The following PLXDC2 variants were observed in gnomAD, a reference collection of about 807,000 sequenced individuals.
The protein encoded by PLXDC2 is plexin domain containing 2, also known as plexin domain-containing protein 2.
A neutral mutation model predicts 68.9 loss-of-function variants in PLXDC2; 40 were observed. The ratio of observed to expected loss-of-function variants is 0.58; its 90% confidence interval spans 0.45 to 0.76. The LOEUF is 0.76. PLXDC2 is among the 30% of genes least tolerant of loss of function. The pLI is 0.00. For missense variants in PLXDC2, 644 were observed against 661.9 expected (o/e 0.97, Z 0.30); for synonymous variants, 243 against 234.2 (o/e 1.04, Z -0.34).
rs114519650 is a variant in PLXDC2, at chr10:20,007,695, T to G, written c.324+5709T>G. Among the ~76,000 whole-genome samples the G allele has an allele frequency of 4.7e-3, 721 of 152,364 alleles. 5 individuals carry two copies. The highest frequency in any genetic ancestry group is 0.016 in the African/African-American group (673 of 41,582). ...CTGGGAATCTGGTTAAAATGCATATTCTGATTTCTTAGTTCTAGGCTTGAG... is the reference window on the plus strand; with the variant it reads ...CTGGGAATCTGGTTAAAATGCATATGCTGATTTCTTAGTTCTAGGCTTGAG... On this transcript the variant is annotated intron_variant, in intron 2 of 13. Transcript: ENST00000377252.
At chr10:20,184,912 A>G (rs1350612918) in intron 9 of PLXDC2, among the ~76,000 whole-genome samples, 1 of 151,908 alleles carries the variant, frequency 6.6e-6, no homozygotes, top group Admixed American at 6.6e-5. Context: ...AAAACCAAAC[A>G]CCGCATGTTC....
intron 2 of PLXDC2, among the ~76,000 whole-genome samples, chr10:20,027,143 A>T (rs4748632): frequency 6.7e-6 from 1 of 149,238 alleles, no homozygotes; most frequent in Non-Finnish European, 1.5e-5. Context: ...ATACATGTAG[A>T]CACACCCAAT....
At chr10:20,028,447 C>A (rs1835439607) in intron 2 of PLXDC2, among the ~76,000 whole-genome samples, 1 of 152,170 alleles carries the variant, frequency 6.6e-6, no homozygotes, top group Non-Finnish European at 1.5e-5. Flanking sequence ...CAACTGATTA[C>A]TCCTAAGACC....
At chr10:20,155,959 AACCT>A (rs1235716369) in intron 6 of PLXDC2, among the ~76,000 whole-genome samples, 2 of 152,034 alleles carry the variant, frequency 1.3e-5, no homozygotes, top group East Asian at 3.9e-4. Flanking sequence ...AGCTCGCTGC[AACCT>A]CTGCCTCCCG....
intron 1 of PLXDC2, among the ~76,000 whole-genome samples, chr10:19,933,390 C>T (rs568114827): frequency 9.9e-5 from 15 of 152,174 alleles, no homozygotes; most frequent in Middle Eastern, 3.4e-3. Flanking sequence ...AATTCCAGCA[C>T]GTTGGGAGGC....
At chr10:19,920,219 C>G (rs143477495) in intron 1 of PLXDC2, among the ~76,000 whole-genome samples, 2 of 152,132 alleles carry the variant, frequency 1.3e-5, no homozygotes, top group Non-Finnish European at 2.9e-5. Context: ...TGATACATAA[C>G]GGGTGGTGGG....
chr10:19,915,881 AAG>A (rs201781550), intron 1 of PLXDC2, among the ~76,000 whole-genome samples: 270 of 151,862 alleles, frequency 1.8e-3, no homozygotes, highest in African/African-American at 5.5e-3. Flanking sequence ...GAAGAAGAAG[AAG>A]AAAAAAAACA....
chr10:20,267,836 TTA>T (rs1317695755), intron 13 of PLXDC2, among the ~76,000 whole-genome samples: 2 of 141,806 alleles, frequency 1.4e-5, no homozygotes, highest in Non-Finnish European at 3.1e-5. Flanking sequence ...TCTTGCTTTT[TTA>T]TCTTTTTTTT....
rs539175622 is a variant in PLXDC2 at position 20,144,625 on chromosome 10, A to T, written c.664+1208A>T. Among the ~76,000 whole-genome samples the T allele has an allele frequency of 1.1e-3, 172 of 152,254 alleles. 1 individual carries two copies. The highest frequency in any genetic ancestry group is 3.0e-3 in the Admixed American group (46 of 15,298). ...ACTCATGAGGTGCTAACACCCAAGG[A>T]TGTGCAAGTGGACTGTAAGTACACT... On this transcript the variant is annotated intron_variant, in intron 5 of 13. Transcript: ENST00000377252.
At chr10:20,109,121 G>T (rs954471332) in intron 4 of PLXDC2, among the ~76,000 whole-genome samples, 1 of 152,118 alleles carries the variant, frequency 6.6e-6, no homozygotes, top group African/African-American at 2.4e-5. Flanking sequence ...TGGCGCTCAG[G>T]GAGGCGGTTA....
Position 19,836,362 on chromosome 10 carries a change from C to G in PLXDC2, c.112+19171C>G, listed in dbSNP as rs139365745. Among the ~76,000 whole-genome samples, 18 of 152,224 alleles carry G rather than the reference C, an allele frequency of 1.2e-4. No homozygotes were observed. In the East Asian group the frequency reaches 3.3e-3, roughly 28 times the overall value. On this transcript the variant is annotated intron_variant, in intron 1 of 13. Coordinates refer to ENST00000377252, the MANE Select transcript of PLXDC2 (RefSeq NM_032812.9). ...GAATCTATACTAGCAATACAGGAAACCATGTTAGGATCACTGTCTCAACAA... is the reference window on the plus strand; with the variant it reads ...GAATCTATACTAGCAATACAGGAAAGCATGTTAGGATCACTGTCTCAACAA...
At chr10:20,135,361 A>G (rs1163613415) in intron 4 of PLXDC2, among the ~76,000 whole-genome samples, 1 of 152,224 alleles carries the variant, frequency 6.6e-6, no homozygotes, top group African/African-American at 2.4e-5. Flanking sequence ...ACCCATATCT[A>G]GAAATCCTAG....
chr10:20,020,177 A>ATTTTTTTTTTTTTTTTTTTTT (rs1564659038), intron 2 of PLXDC2, among the ~76,000 whole-genome samples: 6 of 98,202 alleles, frequency 6.1e-5, no homozygotes, highest in African/African-American at 2.6e-4. Context: ...ACACCCAGCA[A>ATTTTTTTTTTTTTTTTTTTTT]ATTTTTTTTT....
chr10:20,163,111 T>G (rs1378210551), intron 6 of PLXDC2, among the ~76,000 whole-genome samples: 1 of 152,066 alleles, frequency 6.6e-6, no homozygotes, highest in Non-Finnish European at 1.5e-5. Context: ...TTTGATTTTG[T>G]TTTGCTTGTT....
At chr10:20,271,735 C>T (rs1480683039) in intron 13 of PLXDC2, among the ~76,000 whole-genome samples, 1 of 152,060 alleles carries the variant, frequency 6.6e-6, no homozygotes. Flanking sequence ...TAAGTGAAGC[C>T]TGGGTGAACT....
At chr10:19,850,956 C>G (rs1425046195) in intron 1 of PLXDC2, among the ~76,000 whole-genome samples, 1 of 152,096 alleles carries the variant, frequency 6.6e-6, no homozygotes, top group Non-Finnish European at 1.5e-5. Context: ...TTACAACATG[C>G]CAAGCATTCA....
intron 2 of PLXDC2, among the ~76,000 whole-genome samples, chr10:20,020,177 A>ATTTTTTTT (rs1564659038): frequency 1.8e-4 from 18 of 98,202 alleles, no homozygotes; most frequent in African/African-American, 7.5e-4. Flanking sequence ...ACACCCAGCA[A>ATTTTTTTT]ATTTTTTTTT....
intron 10 of PLXDC2, among the ~76,000 whole-genome samples, chr10:20,216,541 C>T (rs745338984): frequency 1.1e-4 from 17 of 152,056 alleles, no homozygotes; most frequent in African/African-American, 2.4e-4. Context: ...AGGCACCTAG[C>T]GCTCCACTAA....
intron 12 of PLXDC2, among the ~76,000 whole-genome samples, chr10:20,230,115 T>C (rs1835341384): frequency 6.6e-6 from 1 of 152,142 alleles, no homozygotes; most frequent in African/African-American, 2.4e-5. Context: ...ATTTCAAATG[T>C]AAATAAAATA....
Sources: gnomAD v4.1 joint callset for allele counts (sites outside exome capture counted in the v4.1 genomes callset) on GRCh38, gnomAD v4.1.1 for gene constraint, MANE v1.5 for transcripts, NCBI Gene and HGNC (gene_info 2026-07-23, HGNC 2026-07-21) for gene names.